The following SLC10A1 variants were observed in gnomAD, a reference collection of about 807,000 sequenced individuals.
The protein encoded by SLC10A1 is solute carrier family 10 member 1, also known as hepatic sodium/bile acid cotransporter.
SLC10A1 carries 36 observed loss-of-function variants against 20.5 expected under a neutral mutation model. The observed-to-expected ratio is 1.75, with a 90% CI of 1.34 to 2.32. The LOEUF (loss-of-function observed/expected upper bound fraction) is 2.32, where lower values mean the gene tolerates loss of function less well. Ranked by LOEUF, SLC10A1 falls within the 30% of genes most tolerant of loss-of-function variation. The probability of loss-of-function intolerance (pLI) is 0.00; values close to 1 mark genes in which losing one functional copy is unlikely to be tolerated. For missense variants in SLC10A1, 545 were observed against 439.1 expected (o/e 1.24, Z -2.16); for synonymous variants, 188 against 163.6 (o/e 1.15, Z -1.14).
chr14:69,777,601 TTTTTA>T (rs1293415229), intron 4 of SLC10A1, among the ~76,000 whole-genome samples: 21 of 99,180 alleles, frequency 2.1e-4, no homozygotes, highest in African/African-American at 7.5e-4. Context: ...TTTTTTTTTT[TTTTTA>T]AAATTGGTGT....
rs1461755208 is a variant in SLC10A1, at chr14:69,775,767, C to G, written c.*515G>C. On this transcript the variant is annotated 3_prime_UTR_variant, in exon 5 of 5. Coordinates refer to ENST00000216540, the MANE Select transcript of SLC10A1 (RefSeq NM_003049.4). ...GTGTTCACTTTTGCATACTTGATGT[C>G]AAATTTGACTTTTCGGGAGCATCAT... The G allele has an allele frequency of 6.6e-6, 1 of 152,400 alleles. No homozygotes were observed. Among genetic ancestry groups the G allele is most frequent in the South Asian group, 2.1e-4 (1 of 4,828 alleles). The allele number at this position is 152,400 out of a possible 1,614,324, so 9.4% of individuals were successfully genotyped here. A position where few individuals can be genotyped will look rare whatever the true frequency, so the allele number is the denominator to read the frequency against.
chr14:69,792,210 A>G (rs931619960), intron 1 of SLC10A1, among the ~76,000 whole-genome samples: 6 of 151,880 alleles, frequency 4.0e-5, no homozygotes, highest in African/African-American at 9.7e-5. Context: ...CCTAAAAAAC[A>G]TAAACCACAA....
chr14:69,779,225 GAAAGCCAATA>G lies in SLC10A1; in HGVS notation c.693_702del (p.Ile232CysfsTer56), dbSNP rs1346830228. 1 of 1,613,410 alleles carries G rather than the reference GAAAGCCAATA, an allele frequency of 6.2e-7. No individual in the cohort carries two copies. The highest frequency in any genetic ancestry group is 1.7e-5 in the Admixed American group (1 of 59,940). ...AGAGCAGAGAGAACATAACCCAGCA[GAAAGCCAATA>G]AAAGGCATCAGGGAGGAGGTGGCAA... On this transcript the variant is annotated frameshift_variant, in exon 3 of 5. Transcript: ENST00000216540. LOFTEE classifies it high-confidence loss of function.
intron 1 of SLC10A1, among the ~76,000 whole-genome samples, chr14:69,791,784 C>T (rs1290478660): frequency 1.3e-5 from 2 of 152,194 alleles, no homozygotes; most frequent in Non-Finnish European, 2.9e-5. Flanking sequence ...GAGAAAAATT[C>T]ACTCAACGTG....
intron 3 of SLC10A1, 57 bp downstream of exon 3, chr14:69,779,125 C>T: frequency 7.6e-7 from 1 of 1,322,982 alleles, no homozygotes; most frequent in Non-Finnish European, 1.0e-6. Flanking sequence ...TGTGCTACTC[C>T]CCTCCAGCCT....
At chr14:69,785,995 G>A in intron 2 of SLC10A1, 102 bp downstream of exon 2, 1 of 813,060 alleles carries the variant, frequency 1.2e-6, no homozygotes. Flanking sequence ...CATCTAGTAG[G>A]AGCATATGTA....
chr14:69,777,194 C>T (rs1033809141), intron 4 of SLC10A1, among the ~76,000 whole-genome samples: 2 of 152,160 alleles, frequency 1.3e-5, no homozygotes, highest in African/African-American at 4.8e-5. Context: ...CTCTTGCGTT[C>T]CTCTCAGATA....
intron 4 of SLC10A1, 51 bp downstream of exon 4, chr14:69,778,282 C>G (rs915493778): frequency 6.2e-6 from 9 of 1,454,046 alleles, no homozygotes; most frequent in Non-Finnish European, 8.4e-6. Context: ...TTGGCAGGCT[C>G]AGGTCTAATA....
intron 2 of SLC10A1, among the ~76,000 whole-genome samples, chr14:69,780,530 T>C (rs907692186): frequency 2.6e-4 from 39 of 152,252 alleles, no homozygotes; most frequent in African/African-American, 9.2e-4. Context: ...GCCATTTTAA[T>C]CACTTTTGAG....
At chr14:69,786,332 G>A (rs76091563) in intron 1 of SLC10A1, 25 bp from the exon 2 acceptor site, 30 of 1,542,112 alleles carry the variant, frequency 1.9e-5, no homozygotes, top group Non-Finnish European at 2.6e-5. Flanking sequence ...GGGAAGAGGG[G>A]AGAGAGAGAG....
At chr14:69,779,577 G>T (rs1319952095) in intron 2 of SLC10A1, among the ~76,000 whole-genome samples, 1 of 152,090 alleles carries the variant, frequency 6.6e-6, no homozygotes, top group African/African-American at 2.4e-5. Context: ...TGTTGCCCAG[G>T]CTGGTCTTAC....
Position 69,778,613 on chromosome 14 carries a change from C to T in SLC10A1, c.747-84G>A, listed in dbSNP as rs114386061. ...TCCCAGTGCTGCTACCAAAGAGTTT[C>T]GCAGCAGATGGAATCTAGACCCTGG... On this transcript the variant is annotated intron_variant, in intron 3 of 4. Coordinates refer to ENST00000216540, the MANE Select transcript of SLC10A1 (RefSeq NM_003049.4). 7.1e-3 allele frequency: 8,612 copies of T among 1,205,094 alleles called. 395 individuals carry two copies. In the African/African-American group the frequency reaches 0.11, roughly 16 times the overall value. 74.7% of individuals were successfully genotyped at this position (1,205,094 alleles called of 1,614,324 possible). A position where few individuals can be genotyped will look rare whatever the true frequency, so the allele number is the denominator to read the frequency against.
At chr14:69,777,095 C>T (rs1183687553) in intron 4 of SLC10A1, among the ~76,000 whole-genome samples, 2 of 152,180 alleles carry the variant, frequency 1.3e-5, no homozygotes, top group Non-Finnish European at 2.9e-5. Context: ...TTTGAGGTCA[C>T]TTCAGGTCTT....
chr14:69,777,849 T>C (rs1743714427), intron 4 of SLC10A1, among the ~76,000 whole-genome samples: 1 of 151,806 alleles, frequency 6.6e-6, no homozygotes. Flanking sequence ...TTTTTTTTTT[T>C]CTTTATTCTG....
intron 1 of SLC10A1, 62 bp from the exon 2 acceptor site, chr14:69,786,369 G>A: frequency 7.1e-7 from 1 of 1,401,442 alleles, no homozygotes. Flanking sequence ...CTATTTTGTT[G>A]AGTGCCTGCT....
intron 2 of SLC10A1, among the ~76,000 whole-genome samples, chr14:69,785,764 A>ATTTT (rs35730433): frequency 7.4e-6 from 1 of 135,832 alleles, no homozygotes; most frequent in Non-Finnish European, 1.6e-5. Context: ...TGCCCGGCTA[A>ATTTT]TTTTTTTTTT....
chr14:69,794,034 A>C (rs1446817630), intron 1 of SLC10A1, among the ~76,000 whole-genome samples: 1 of 152,116 alleles, frequency 6.6e-6, no homozygotes, highest in African/African-American at 2.4e-5. Context: ...AGGGAGACAC[A>C]GTTTCCCACA....
At chr14:69,792,597 G>A (rs1328471778) in intron 1 of SLC10A1, among the ~76,000 whole-genome samples, 8 of 152,196 alleles carry the variant, frequency 5.3e-5, no homozygotes, top group Non-Finnish European at 7.3e-5. Context: ...GCTAGGGAAC[G>A]TGTGAAGTGA....
Position 69,786,250 on chromosome 14 carries a change from CAGG to C in SLC10A1, c.411_413del (p.Leu138del). 6.8e-6 allele frequency: 11 copies of C among 1,613,986 alleles called. No individual in the cohort carries two copies. The highest frequency in any genetic ancestry group is 9.3e-6 in the Non-Finnish European group (11 of 1,179,990). On this transcript the variant is annotated inframe_deletion, in exon 2 of 5. Coordinates refer to ENST00000216540, the MANE Select transcript of SLC10A1 (RefSeq NM_003049.4). ...CATAGATCCCCCTGGAGTAGATGTA[CAGG>C]AGGAGAGGCATCATGCCAAGGGCAC... is the stretch of plus-strand genomic sequence containing the variant.
Sources: gnomAD v4.1 joint callset for allele counts (sites outside exome capture counted in the v4.1 genomes callset) on GRCh38, gnomAD v4.1.1 for gene constraint, MANE v1.5 for transcripts, NCBI Gene and HGNC (gene_info 2026-07-23, HGNC 2026-07-21) for gene names.